Variants in EXTL3 observed in about 807,000 individuals in gnomAD.
EXTL3 encodes the protein exostosin like glycosyltransferase 3.
EXTL3 carries 27 observed loss-of-function variants against 69.3 expected under a neutral mutation model. That is an observed-to-expected ratio of 0.39 (90% CI 0.29 to 0.54). EXTL3 has a LOEUF of 0.54. EXTL3 is among the 20% of genes least tolerant of loss of function. EXTL3 has a pLI of 0.69. For missense variants in EXTL3, 1,003 were observed against 1,231.8 expected (o/e 0.81, Z 2.78); for synonymous variants, 511 against 499.4 (o/e 1.02, Z -0.31).
chr8:28,713,076 A>C (rs535365894), intron 1 of EXTL3, among the ~76,000 whole-genome samples: 5 of 152,254 alleles, frequency 3.3e-5, no homozygotes, highest in Non-Finnish European at 4.4e-5. Flanking sequence ...CATCCTGTTT[A>C]TTTTGAAGCA....
chr8:28,645,116 C>T (rs887234202), intron 1 of EXTL3, among the ~76,000 whole-genome samples: 1 of 152,188 alleles, frequency 6.6e-6, no homozygotes, highest in Admixed American at 6.5e-5. Flanking sequence ...GAAGGAACTG[C>T]TCAACCAGTC....
At chr8:28,744,445 G>T (rs1265438843) in intron 6 of EXTL3, among the ~76,000 whole-genome samples, 1 of 151,852 alleles carries the variant, frequency 6.6e-6, no homozygotes, top group Non-Finnish European at 1.5e-5. Context: ...ATCACTTGAG[G>T]TCAGGAGTTC....
At chr8:28,665,925 G>A (rs1212783174) in intron 1 of EXTL3, among the ~76,000 whole-genome samples, 1 of 152,210 alleles carries the variant, frequency 6.6e-6, no homozygotes, top group African/African-American at 2.4e-5. Flanking sequence ...GTGCACTTCT[G>A]TGCCTTCTGT....
intron 5 of EXTL3, chr8:28,742,669 T>C (rs544387495): frequency 3.2e-6 from 1 of 313,444 alleles, no homozygotes; most frequent in Admixed American, 4.7e-5. Context: ...GGATCGTGTG[T>C]TTCATGGTTC....
At chr8:28,673,740 T>C (rs767013775) in intron 1 of EXTL3, among the ~76,000 whole-genome samples, 2 of 152,202 alleles carry the variant, frequency 1.3e-5, no homozygotes, top group African/African-American at 2.4e-5. Flanking sequence ...GAAGGAGATA[T>C]CTGGAGATAT....
At chr8:28,703,460 A>C in intron 1 of EXTL3, among the ~76,000 whole-genome samples, 1 of 152,160 alleles carries the variant, frequency 6.6e-6, no homozygotes, top group East Asian at 1.9e-4. Context: ...TCTAGGAGAG[A>C]GGGCAAGTCC....
chr8:28,671,594 C>T (rs1389015220), intron 1 of EXTL3, among the ~76,000 whole-genome samples: 2 of 152,134 alleles, frequency 1.3e-5, no homozygotes, highest in African/African-American at 4.8e-5. Context: ...CTGCTTTCGC[C>T]TCCCAAAGTG....
chr8:28,720,397 T>A (rs971139485), intron 3 of EXTL3, among the ~76,000 whole-genome samples: 14 of 152,200 alleles, frequency 9.2e-5, no homozygotes, highest in African/African-American at 3.4e-4. Context: ...CAATACGGGC[T>A]CCTCTTATGT....
At chr8:28,636,856 C>A (rs1806664335) in intron 1 of EXTL3, among the ~76,000 whole-genome samples, 1 of 152,090 alleles carries the variant, frequency 6.6e-6, no homozygotes, top group African/African-American at 2.4e-5. Context: ...ACTAAAAATA[C>A]AAAAATTAGC....
At chr8:28,634,414 C>G (rs1334067142) in intron 1 of EXTL3, among the ~76,000 whole-genome samples, 1 of 152,074 alleles carries the variant, frequency 6.6e-6, no homozygotes, top group East Asian at 1.9e-4. Context: ...AGGAAGAAGT[C>G]TGTTACACCT....
chr8:28,619,825 CGCCGACA>C (rs1563426342), upstream of EXTL3, among the ~76,000 whole-genome samples: 1 of 136,538 alleles, frequency 7.3e-6, no homozygotes, highest in African/African-American at 2.7e-5. Flanking sequence ...ATCCGTACAC[CGCCGACA>C]GGGCTTCTGG....
chr8:28,675,924 A>C (rs1372309588), intron 1 of EXTL3, among the ~76,000 whole-genome samples: 1 of 147,668 alleles, frequency 6.8e-6, no homozygotes, highest in Non-Finnish European at 1.5e-5. Context: ...TGGGAGGCTG[A>C]GGCTGGAGAA....
At chr8:28,692,397 C>T (rs1454049082) in intron 1 of EXTL3, among the ~76,000 whole-genome samples, 2 of 152,046 alleles carry the variant, frequency 1.3e-5, no homozygotes, top group Non-Finnish European at 2.9e-5. Context: ...CATGCTGTCA[C>T]CTTTTGGGTT....
chr8:28,669,714 C>G (rs1484453407), intron 1 of EXTL3, among the ~76,000 whole-genome samples: 2 of 152,160 alleles, frequency 1.3e-5, no homozygotes, highest in African/African-American at 2.4e-5. Flanking sequence ...TCTAACTTCT[C>G]TGTTCTCTGA....
chr8:28,649,883 TAAGGTAATCCAAA>T (rs1806889909), intron 1 of EXTL3, among the ~76,000 whole-genome samples: 1 of 152,038 alleles, frequency 6.6e-6, no homozygotes, highest in African/African-American at 2.4e-5. Flanking sequence ...CTATAAGCAG[TAAGGTAATCCAAA>T]ATATAGATGT....
At chr8:28,718,568 A>G (rs1801219281) in intron 3 of EXTL3, among the ~76,000 whole-genome samples, 1 of 152,228 alleles carries the variant, frequency 6.6e-6, no homozygotes, top group Admixed American at 6.5e-5. Context: ...GCACTATAAT[A>G]AGCATTTTGT....
At chr8:28,673,838 C>T (rs1264879297) in intron 1 of EXTL3, among the ~76,000 whole-genome samples, 1 of 152,132 alleles carries the variant, frequency 6.6e-6, no homozygotes, top group Non-Finnish European at 1.5e-5. Context: ...GAGAGTGCTT[C>T]TAGAGGAGCA....
chr8:28,626,085 T>A (rs1806486420), intron 1 of EXTL3, among the ~76,000 whole-genome samples: 2 of 146,074 alleles, frequency 1.4e-5, no homozygotes, highest in Admixed American at 1.4e-4. Context: ...GGTGTGAGGA[T>A]CTCTTGAGTC....
chr8:28,700,111 C>G (rs1280788983), upstream of EXTL3: 1 of 151,978 alleles, frequency 6.6e-6, no homozygotes, highest in Non-Finnish European at 1.5e-5. Flanking sequence ...TCCTGCAATA[C>G]TTCTGATTTT....
Sources: gnomAD v4.1 joint callset for allele counts (sites outside exome capture counted in the v4.1 genomes callset) on GRCh38, gnomAD v4.1.1 for gene constraint, MANE v1.5 for transcripts, NCBI Gene and HGNC (gene_info 2026-07-23, HGNC 2026-07-21) for gene names.